SUPT3H: variants seen among roughly 807,000 people sequenced by gnomAD.
The protein encoded by SUPT3H is transcription initiation protein SPT3 homolog.
A neutral mutation model predicts 44.3 loss-of-function variants in SUPT3H; 44 were observed. The observed-to-expected ratio is 0.99, with a 90% confidence interval of 0.78 to 1.28. SUPT3H has a LOEUF of 1.28. SUPT3H is among the 50% of genes most tolerant of loss of function. The pLI is 0.00. For synonymous variants in SUPT3H, 124 were observed against 125.6 expected (o/e 0.99, Z 0.09); for missense variants, 380 against 387.1 (o/e 0.98, Z 0.15).
chr6:45,186,472 A>G (rs1307970799), intron 2 of SUPT3H, among the ~76,000 whole-genome samples: 1 of 152,230 alleles, frequency 6.6e-6, no homozygotes, highest in Non-Finnish European at 1.5e-5. Context: ...AATAGAAATT[A>G]TAGAACTGAA....
At chr6:45,257,641 G>C (rs1389992047) in intron 2 of SUPT3H, among the ~76,000 whole-genome samples, 1 of 152,124 alleles carries the variant, frequency 6.6e-6, no homozygotes, top group Non-Finnish European at 1.5e-5. Context: ...CTGGAAGCTA[G>C]GAAGTCCAAG....
intron 2 of SUPT3H, among the ~76,000 whole-genome samples, chr6:45,205,092 C>A (rs1438477705): frequency 2.0e-5 from 3 of 152,130 alleles, no homozygotes; most frequent in African/African-American, 7.2e-5. Flanking sequence ...AAAGCAAAAC[C>A]AAATTCCCAT....
At chr6:45,373,375 TA>T (rs1396325286) in intron 1 of SUPT3H, among the ~76,000 whole-genome samples, 1 of 152,214 alleles carries the variant, frequency 6.6e-6, no homozygotes, top group Non-Finnish European at 1.5e-5. Context: ...CTCATTAGTA[TA>T]ACCTATTAGG....
At position 44,829,133 on chromosome 6, in the gene SUPT3H, A is replaced by C. The variant is rs1768160045; in HGVS notation, c.*683T>G. The stretch of plus-strand genomic sequence containing the variant: ...CAGGAGTGGTGGATCTGGGGATTGG[A>C]GGAACAGGAAAAGGAGGGAAATGAA... On this transcript the variant is annotated 3_prime_UTR_variant, in exon 11 of 11. Transcript: ENST00000371459. 1 of 152,362 alleles carries C rather than the reference A, an allele frequency of 6.6e-6. No homozygotes were observed. The highest frequency in any genetic ancestry group is 2.4e-5 in the African/African-American group (1 of 41,432). 9.4% of individuals were successfully genotyped at this position (152,362 alleles called of 1,614,324 possible). A position where few individuals can be genotyped will look rare whatever the true frequency, so the allele number is the denominator to read the frequency against.
At chr6:44,904,678 T>C (rs1765686337) in intron 10 of SUPT3H, among the ~76,000 whole-genome samples, 1 of 152,156 alleles carries the variant, frequency 6.6e-6, no homozygotes, top group African/African-American at 2.4e-5. Context: ...ACTTTAAAGT[T>C]CATATGGAAC....
intron 10 of SUPT3H, among the ~76,000 whole-genome samples, chr6:44,832,976 A>C (rs569999): frequency 0.02 from 3,105 of 152,298 alleles, 42 homozygotes; most frequent in Non-Finnish European, 0.033. Context: ...ACAAATGAAT[A>C]TTAAAAAGCA....
At chr6:45,167,414 G>C (rs1264676058) in intron 2 of SUPT3H, among the ~76,000 whole-genome samples, 3 of 152,188 alleles carry the variant, frequency 2.0e-5, no homozygotes, top group Non-Finnish European at 4.4e-5. Context: ...GAAGTTGCTA[G>C]AATTCTAATC....
intron 2 of SUPT3H, among the ~76,000 whole-genome samples, chr6:45,337,647 A>G (rs558575828): frequency 4.6e-5 from 7 of 151,852 alleles, no homozygotes; most frequent in Non-Finnish European, 1.0e-4. Context: ...TTTAACCTTT[A>G]TAGGAATGCT....
intron 2 of SUPT3H, among the ~76,000 whole-genome samples, chr6:45,311,433 T>C (rs547201192): frequency 6.6e-6 from 1 of 152,232 alleles, no homozygotes; most frequent in East Asian, 1.9e-4. Context: ...GCTAGAGACC[T>C]AGACATCCAA....
chr6:45,237,948 T>C (rs1201865675), intron 2 of SUPT3H, among the ~76,000 whole-genome samples: 1 of 152,160 alleles, frequency 6.6e-6, no homozygotes, highest in Non-Finnish European at 1.5e-5. Context: ...TGTCATAGAT[T>C]TAAAAGACTG....
Position 44,894,525 on chromosome 6 carries a change from T to C in SUPT3H, c.912+38128A>G, listed in dbSNP as rs191066583. ...TTTCTCAGGTTTGTCAAAGATCAGA[T>C]AGTTGTAGATATGCGGTGTTATTTC... On this transcript the variant is annotated intron_variant, in intron 10 of 10. Transcript: ENST00000371459. 4.2e-3 allele frequency among the ~76,000 whole-genome samples: 633 copies of C among 152,272 alleles called. 5 individuals are homozygous for C. The highest frequency in any genetic ancestry group is 0.015 in the African/African-American group (607 of 41,546).
chr6:44,983,117 G>T (rs896845931), intron 6 of SUPT3H, among the ~76,000 whole-genome samples: 3 of 152,168 alleles, frequency 2.0e-5, no homozygotes, highest in African/African-American at 7.2e-5. Flanking sequence ...GAAAATAAGT[G>T]TAAAAAATTC....
At chr6:45,061,339 T>C (rs897224108) in intron 3 of SUPT3H, among the ~76,000 whole-genome samples, 12 of 152,088 alleles carry the variant, frequency 7.9e-5, no homozygotes, top group Admixed American at 3.3e-4. Flanking sequence ...AGCAAACTAA[T>C]GTAGGAAGAG....
chr6:44,932,786 T>C lies in SUPT3H; in HGVS notation c.802-23A>G, dbSNP rs774916558. On this transcript the variant is annotated intron_variant, in intron 9 of 10. Transcript: ENST00000371459. Reference sequence around the variant, plus strand: ...GCTCTGCGACAGAAAAACACATAAATTGTTACTAAATCAAAAACACGCAAC... The same window carrying C: ...GCTCTGCGACAGAAAAACACATAAACTGTTACTAAATCAAAAACACGCAAC... 4.0e-6 allele frequency: 6 copies of C among 1,513,106 alleles called. No individual in the cohort carries two copies. In the East Asian group the frequency reaches 1.2e-4, roughly 29 times the overall value. 93.7% of individuals were successfully genotyped at this position (1,513,106 alleles called of 1,614,324 possible).
chr6:44,859,866 T>C (rs1271007535), intron 10 of SUPT3H, among the ~76,000 whole-genome samples: 1 of 152,208 alleles, frequency 6.6e-6, no homozygotes, highest in Non-Finnish European at 1.5e-5. Flanking sequence ...AATGTCATTG[T>C]TTGTTATATC....
intron 2 of SUPT3H, among the ~76,000 whole-genome samples, chr6:45,194,245 C>G (rs778527458): frequency 4.6e-5 from 7 of 151,926 alleles, no homozygotes; most frequent in Non-Finnish European, 1.0e-4. Flanking sequence ...AACTATATTT[C>G]AAACACAACA....
At chr6:45,068,667 G>A (rs1793848746) in intron 3 of SUPT3H, among the ~76,000 whole-genome samples, 2 of 152,060 alleles carry the variant, frequency 1.3e-5, no homozygotes, top group South Asian at 2.1e-4. Flanking sequence ...CTGAGCCCAG[G>A]CTTAGTGAAT....
chr6:44,872,353 TAAAGA>T (rs1776531400), intron 10 of SUPT3H, among the ~76,000 whole-genome samples: 2 of 89,160 alleles, frequency 2.2e-5, no homozygotes, highest in Non-Finnish European at 4.5e-5. Context: ...TCAACATTCT[TAAAGA>T]AAAGAATTTT....
At chr6:45,136,463 T>TCCCG (rs761946693) in intron 2 of SUPT3H, among the ~76,000 whole-genome samples, 125 of 152,008 alleles carry the variant, frequency 8.2e-4, no homozygotes, top group South Asian at 1.0e-3. Context: ...CTTATTGACC[T>TCCCG]GGGAAAAAGG....
Sources: allele counts gnomAD v4.1 joint callset (sites outside exome capture counted in the v4.1 genomes callset), GRCh38; gene constraint gnomAD v4.1.1; transcripts MANE v1.5; gene names NCBI Gene and HGNC (gene_info 2026-07-23, HGNC 2026-07-21).